Variants in TBX4 observed in about 807,000 individuals in gnomAD.
TBX4 encodes the protein T-box transcription factor TBX4.
Under a neutral mutation model 54.6 loss-of-function variants are expected in TBX4, and 13 were observed. The observed-to-expected ratio is 0.24, with a 90% CI of 0.15 to 0.38. The LOEUF (loss-of-function observed/expected upper bound fraction) is 0.38. Among genes scored for constraint, TBX4 ranks in the 10% least tolerant of loss-of-function variants. The probability of loss-of-function intolerance (pLI) is 1.00; values close to 1 mark genes in which losing one functional copy is unlikely to be tolerated. For synonymous variants in TBX4, 314 were observed against 306.7 expected (o/e 1.02, Z -0.25); for missense variants, 631 against 728.5 (o/e 0.87, Z 1.54).
At chr17:61,467,446 G>A in intron 4 of TBX4, 64 bp from the exon 5 acceptor site, 1 of 1,606,702 alleles carries the variant, frequency 6.2e-7, no homozygotes, top group Non-Finnish European at 8.5e-7. Context: ...TCCAAGAGGG[G>A]ACGGGGAATC....
intron 1 of TBX4, among the ~76,000 whole-genome samples, chr17:61,454,700 G>A (rs2060434599): frequency 6.6e-6 from 1 of 152,230 alleles, no homozygotes; most frequent in African/African-American, 2.4e-5. Context: ...GTGGACGCGG[G>A]CGGTGAACCA....
chr17:61,472,171 G>A lies in TBX4; in HGVS notation c.549+4514G>A, dbSNP rs533060490. On this transcript the variant is annotated intron_variant, in intron 5 of 8. Transcript: ENST00000644296. The surrounding 1 kb of genome is among the most constrained non-coding windows in gnomAD (Gnocchi z 4.5). ...GCTTGTACATATGCCATTTTATGCT[G>A]TGCCAAGTATATCTGTGAGATAAAT... Among the ~76,000 whole-genome samples, 63 of 152,072 alleles carry A rather than the reference G, an allele frequency of 4.1e-4. No individual in the cohort carries two copies. Among genetic ancestry groups the A allele is most frequent in the Non-Finnish European group, 8.5e-4 (58 of 68,026 alleles).
rs1253411561 is a variant in TBX4, at chr17:61,457,039, A to AC, written c.186+367dup. Among the ~76,000 whole-genome samples, 4 of 151,578 alleles carry AC rather than the reference A, an allele frequency of 2.6e-5. No homozygotes were observed. The highest frequency in any genetic ancestry group is 1.5e-5 in the Non-Finnish European group (1 of 67,664). On this transcript the variant is annotated intron_variant, in intron 2 of 8. Transcript: ENST00000644296. This position sits in a 1 kb window ranked among gnomAD's most constrained non-coding sequence, Gnocchi z 8.2. ...AACGGCGAGGGGGCAGGAGGAGGCC[A>AC]CCCCGCCGGTGCGCACGGGAGCCGC... is the stretch of plus-strand genomic sequence containing the variant.
chr17:61,475,205 C>A lies in TBX4; in HGVS notation c.550-3422C>A, dbSNP rs1400701264. ...TCGGAAGATGTGTTGGGCACTCTCTCCACCCTAGTCATCAGGGACTTTGTC... is the reference window on the plus strand; with the variant it reads ...TCGGAAGATGTGTTGGGCACTCTCTACACCCTAGTCATCAGGGACTTTGTC... On this transcript the variant is annotated intron_variant, in intron 5 of 8. Transcript: ENST00000644296. This position sits in a 1 kb window ranked among gnomAD's most constrained non-coding sequence, Gnocchi z 5.0. Among the ~76,000 whole-genome samples, 1 of 152,230 alleles carries A rather than the reference C, an allele frequency of 6.6e-6. No homozygotes were observed. The highest frequency in any genetic ancestry group is 2.4e-5 in the African/African-American group (1 of 41,458).
rs76193266 is a variant in TBX4 at position 61,481,111 on chromosome 17, A to G, written c.1021+792A>G. Reference sequence around the variant, plus strand: ...GCAGAGCTCCGAGATCCCCTGTACAAGTCTCATTAGAACTCAATGACCTAG... The same window carrying G: ...GCAGAGCTCCGAGATCCCCTGTACAGGTCTCATTAGAACTCAATGACCTAG... On this transcript the variant is annotated intron_variant, in intron 8 of 8. Transcript: ENST00000644296. This position sits in a 1 kb window ranked among gnomAD's most constrained non-coding sequence, Gnocchi z 4.8. Among the ~76,000 whole-genome samples the G allele has an allele frequency of 6.6e-6, 1 of 152,306 alleles. No individual in the cohort carries two copies. Among genetic ancestry groups the G allele is most frequent in the African/African-American group, 2.4e-5 (1 of 41,564 alleles).
intron 5 of TBX4, among the ~76,000 whole-genome samples, chr17:61,469,183 A>G (rs2143829741): frequency 6.6e-6 from 1 of 152,326 alleles, no homozygotes; most frequent in East Asian, 1.9e-4. Context: ...CCTGACCTCT[A>G]GAAAGTGAGA....
At chr17:61,466,285 A>C (rs973873824) in intron 4 of TBX4, among the ~76,000 whole-genome samples, 1 of 152,176 alleles carries the variant, frequency 6.6e-6, no homozygotes, top group Non-Finnish European at 1.5e-5. Context: ...TTAGACTGTC[A>C]GTGCTTCACT....
rs778794211 is a variant in TBX4 at position 61,465,880 on chromosome 17, C to T, written c.343C>T (p.Leu115=). 6.2e-7 allele frequency: 1 copy of T among 1,614,150 alleles called. No individual in the cohort carries two copies. Among genetic ancestry groups the T allele is most frequent in the Non-Finnish European group, 8.5e-7 (1 of 1,180,020 alleles). ...TGMNPKTKYI[L]LIDIVPADDH... ...CATGAACCCCAAGACCAAGTATATC[C>T]TGCTGATTGACATTGTCCCTGCCGA... is the stretch of plus-strand genomic sequence containing the variant. The change falls in exon 4 of 9, where the codon CTG becomes TTG. Residue 115 remains leucine, a synonymous_variant. Coordinates refer to ENST00000644296, the MANE Select transcript of TBX4 (RefSeq NM_001321120.2). The surrounding 1 kb of genome is among the most constrained non-coding windows in gnomAD (Gnocchi z 4.9).
Position 61,461,033 on chromosome 17 carries a change from GGAT to G in TBX4, c.281+3406_281+3408del, listed in dbSNP as rs2060491333. ...ACAGAGCGTCAGAGCCCAGTGGCGTGGATGATAAGAGAAGTAAGGGTTGAAGAC... is the reference window on the plus strand; with the variant it reads ...ACAGAGCGTCAGAGCCCAGTGGCGTGGATAAGAGAAGTAAGGGTTGAAGAC... On this transcript the variant is annotated intron_variant, in intron 3 of 8. Coordinates refer to ENST00000644296, the MANE Select transcript of TBX4 (RefSeq NM_001321120.2). This position sits in a 1 kb window ranked among gnomAD's most constrained non-coding sequence, Gnocchi z 5.1. 6.6e-6 allele frequency among the ~76,000 whole-genome samples: 1 copy of G among 152,210 alleles called. No homozygotes were observed. The highest frequency in any genetic ancestry group is 6.5e-5 in the Admixed American group (1 of 15,280).
chr17:61,455,988 C>T (rs1044726842), intron 1 of TBX4, among the ~76,000 whole-genome samples: 1 of 152,170 alleles, frequency 6.6e-6, no homozygotes, highest in Non-Finnish European at 1.5e-5. Context: ...TCCTGAGGCC[C>T]TCTCTGCACA....
At chr17:61,467,406 T>C in intron 4 of TBX4, 104 bp from the exon 5 acceptor site, 1 of 1,355,136 alleles carries the variant, frequency 7.4e-7, no homozygotes, top group Non-Finnish European at 1.0e-6. Context: ...GACCAGCAGC[T>C]ATTTTTTCCT....
Position 61,478,699 on chromosome 17 carries a change from G to T in TBX4, c.622G>T (p.Gly208Cys). The T allele has an allele frequency of 6.2e-7, 1 of 1,614,070 alleles. No homozygotes were observed. ...IVKADENNAF[G>C]SKNTAFCTHV... ...TAAGGCTGATGAGAACAATGCTTTC[G>T]GCTCCAAAAACACTGCTTTCTGCAC... The change falls in exon 6 of 9, where the codon GGC (glycine) becomes TGC (cysteine). Residue 208 changes from glycine (G) to cysteine (C), a missense_variant. By Grantham distance (159) the Gly-to-Cys change is radical. Coordinates refer to ENST00000644296, the MANE Select transcript of TBX4 (RefSeq NM_001321120.2). The surrounding 1 kb of genome is among the most constrained non-coding windows in gnomAD (Gnocchi z 7.4).
At chr17:61,471,661 T>C (rs1321814125) in intron 5 of TBX4, among the ~76,000 whole-genome samples, 1 of 151,864 alleles carries the variant, frequency 6.6e-6, no homozygotes, top group Non-Finnish European at 1.5e-5. Context: ...CTTAATAATA[T>C]CTCTTGGAGA....
Position 61,462,695 on chromosome 17 carries a change from C to T in TBX4, c.282-3124C>T, listed in dbSNP as rs73334552. Among the ~76,000 whole-genome samples, 165 of 152,338 alleles carry T rather than the reference C, an allele frequency of 1.1e-3. 1 individual carries two copies. Among genetic ancestry groups the T allele is most frequent in the African/African-American group, 3.8e-3 (157 of 41,598 alleles). On this transcript the variant is annotated intron_variant, in intron 3 of 8. Transcript: ENST00000644296. This position sits in a 1 kb window ranked among gnomAD's most constrained non-coding sequence, Gnocchi z 4.5. ...CACAGGCGGCACACACAGTGTCTTC[C>T]TTCTTGGTCACCTCCCCCACCCCAA...
intron 3 of TBX4, chr17:61,463,051 C>A (rs1457538623): frequency 3.3e-5 from 5 of 152,362 alleles, no homozygotes. Flanking sequence ...CTCACTTTCA[C>A]AGGCAGCCCT....
chr17:61,457,459 G>A lies in TBX4; in HGVS notation c.187-78G>A. ...GGCAGGGTTCCGCACAGCTCTTCGGGTCTGGTTCTTCTTTCCTCAGGCTCC... is the reference window on the plus strand; with the variant it reads ...GGCAGGGTTCCGCACAGCTCTTCGGATCTGGTTCTTCTTTCCTCAGGCTCC... On this transcript the variant is annotated intron_variant, in intron 2 of 8. Coordinates refer to ENST00000644296, the MANE Select transcript of TBX4 (RefSeq NM_001321120.2). This position sits in a 1 kb window ranked among gnomAD's most constrained non-coding sequence, Gnocchi z 8.2. The A allele has an allele frequency of 1.2e-5, 17 of 1,401,214 alleles. No individual in the cohort carries two copies. Among genetic ancestry groups the A allele is most frequent in the Non-Finnish European group, 1.4e-5 (14 of 986,600 alleles). The allele number at this position is 1,401,214 out of a possible 1,614,324, so 86.8% of individuals were successfully genotyped here. A position where few individuals can be genotyped will look rare whatever the true frequency, so the allele number is the denominator to read the frequency against.
At position 61,480,408 on chromosome 17, in the gene TBX4, C is replaced by A. The variant is rs1001865072; in HGVS notation, c.1021+89C>A. ...CACTCTGCAGCGCCCCCCCCCCCAA[C>A]ACACACACACTCATCTCGTGCTTGT... On this transcript the variant is annotated intron_variant, in intron 8 of 8. Coordinates refer to ENST00000644296, the MANE Select transcript of TBX4 (RefSeq NM_001321120.2). This position sits in a 1 kb window ranked among gnomAD's most constrained non-coding sequence, Gnocchi z 6.2. The A allele has an allele frequency of 2.0e-5, 20 of 996,754 alleles. No individual in the cohort carries two copies. Among genetic ancestry groups the A allele is most frequent in the African/African-American group, 6.6e-5 (4 of 61,036 alleles). 61.7% of individuals were successfully genotyped at this position (996,754 alleles called of 1,614,324 possible).
Position 61,461,384 on chromosome 17 carries a change from C to T in TBX4, c.281+3753C>T, listed in dbSNP as rs572032369. Among the ~76,000 whole-genome samples the T allele has an allele frequency of 1.3e-5, 2 of 152,158 alleles. No homozygotes were observed. The highest frequency in any genetic ancestry group is 2.9e-5 in the Non-Finnish European group (2 of 68,020). On this transcript the variant is annotated intron_variant, in intron 3 of 8. Transcript: ENST00000644296. The surrounding 1 kb of genome is among the most constrained non-coding windows in gnomAD (Gnocchi z 5.1). Reference sequence around the variant, plus strand: ...GTCTCAGTGTAGGTGGCACCAGCAGCCCCACTCCTAACCCCAGCCTTGGAT... The same window carrying T: ...GTCTCAGTGTAGGTGGCACCAGCAGTCCCACTCCTAACCCCAGCCTTGGAT...
At chr17:61,453,532 A>G (rs986685810) in intron 1 of TBX4, among the ~76,000 whole-genome samples, 1 of 152,248 alleles carries the variant, frequency 6.6e-6, no homozygotes, top group East Asian at 1.9e-4. Flanking sequence ...ATGACAATTT[A>G]TGACCAATGT....
Sources: allele counts gnomAD v4.1 joint callset (sites outside exome capture counted in the v4.1 genomes callset), GRCh38; gene constraint gnomAD v4.1.1; non-coding constraint Gnocchi (gnomAD v3.1); transcripts MANE v1.5; gene names NCBI Gene and HGNC (gene_info 2026-07-23, HGNC 2026-07-21).